The following GALNTL6 variants were observed in gnomAD, a reference collection of about 807,000 sequenced individuals.
GALNTL6 encodes the protein polypeptide N-acetylgalactosaminyltransferase-like 6.
Under a neutral mutation model 73.7 loss-of-function variants are expected in GALNTL6, and 46 were observed. The ratio of observed to expected loss-of-function variants is 0.62; its 90% confidence interval spans 0.49 to 0.80. The LOEUF (loss-of-function observed/expected upper bound fraction) is 0.80. Among genes scored for constraint, GALNTL6 ranks in the 30% least tolerant of loss-of-function variants. The pLI is 0.00. For synonymous variants in GALNTL6, 259 were observed against 263.7 expected (o/e 0.98, Z 0.17); for missense variants, 604 against 755.0 (o/e 0.80, Z 2.34).
intron 2 of GALNTL6, among the ~76,000 whole-genome samples, chr4:172,109,760 C>T (rs1408396469): frequency 2.6e-5 from 4 of 152,152 alleles, no homozygotes; most frequent in Admixed American, 6.5e-5. Context: ...TTGGCTGGAA[C>T]ATCCCAAGGC....
At chr4:172,738,722 G>T (rs936167094) in intron 5 of GALNTL6, among the ~76,000 whole-genome samples, 7 of 152,080 alleles carry the variant, frequency 4.6e-5, no homozygotes, top group African/African-American at 1.7e-4. Context: ...AAGGTGGTTG[G>T]GGCACAGCTT....
At chr4:171,873,709 A>G (rs1474990698) in intron 2 of GALNTL6, among the ~76,000 whole-genome samples, 1 of 152,120 alleles carries the variant, frequency 6.6e-6, no homozygotes, top group African/African-American at 2.4e-5. Context: ...AAAGTTATAT[A>G]TGGGTTCTAC....
intron 10 of GALNTL6, among the ~76,000 whole-genome samples, chr4:172,995,255 C>T (rs553191244): frequency 3.2e-4 from 48 of 148,820 alleles, no homozygotes; most frequent in African/African-American, 1.2e-3. Context: ...CAGCTGCTTA[C>T]CCCGCACAGT....
Position 172,168,842 on chromosome 4 carries a change from C to G in GALNTL6, c.139-60814C>G, listed in dbSNP as rs187937134. On this transcript the variant is annotated intron_variant, in intron 2 of 12. Coordinates refer to ENST00000506823, the MANE Select transcript of GALNTL6 (RefSeq NM_001034845.3). Reference sequence around the variant, plus strand: ...TTATGCCTACAAATATTTTCGATGTCATGTAATTTTTGTGATGTTTTTAAA... The same window carrying G: ...TTATGCCTACAAATATTTTCGATGTGATGTAATTTTTGTGATGTTTTTAAA... Among the ~76,000 whole-genome samples, 6 of 152,256 alleles carry G rather than the reference C, an allele frequency of 3.9e-5. No homozygotes were observed. In the East Asian group the frequency reaches 9.7e-4, roughly 25 times the overall value.
chr4:172,345,291 G>A (rs571925714), intron 4 of GALNTL6, among the ~76,000 whole-genome samples: 2 of 152,218 alleles, frequency 1.3e-5, no homozygotes, highest in South Asian at 4.1e-4. Flanking sequence ...AGTTTATAAT[G>A]TAGTCTAATT....
Position 172,288,360 on chromosome 4 carries a change from G to A in GALNTL6, c.248-23254G>A, listed in dbSNP as rs1255201962. Among the ~76,000 whole-genome samples the A allele has an allele frequency of 2.0e-5, 3 of 152,052 alleles. No homozygotes were observed. In the East Asian group the frequency reaches 5.8e-4, roughly 29 times the overall value. On this transcript the variant is annotated intron_variant, in intron 3 of 12. Transcript: ENST00000506823. ...CCTGCCTCGGCCTCCCAAAGTGCTGGGATTACAGGCATGAGCCACAGCGCC... is the reference window on the plus strand; with the variant it reads ...CCTGCCTCGGCCTCCCAAAGTGCTGAGATTACAGGCATGAGCCACAGCGCC...
chr4:172,581,087 A>G (rs1241192527), intron 5 of GALNTL6, among the ~76,000 whole-genome samples: 2 of 152,198 alleles, frequency 1.3e-5, no homozygotes, highest in African/African-American at 2.4e-5. Flanking sequence ...TTTATATACA[A>G]CATCGTTTCT....
intron 5 of GALNTL6, among the ~76,000 whole-genome samples, chr4:172,625,482 AC>A (rs1739131739): frequency 6.6e-6 from 1 of 152,098 alleles, no homozygotes; most frequent in South Asian, 2.1e-4. Flanking sequence ...ATCACGATGA[AC>A]AAAAGACTAC....
intron 4 of GALNTL6, among the ~76,000 whole-genome samples, chr4:172,326,228 G>T (rs1740936106): frequency 6.6e-6 from 1 of 151,846 alleles, no homozygotes; most frequent in Non-Finnish European, 1.5e-5. Context: ...TTTATAAAAA[G>T]AGAAAAAACC....
intron 2 of GALNTL6, among the ~76,000 whole-genome samples, chr4:172,109,512 C>G (rs1409706896): frequency 6.6e-6 from 1 of 152,098 alleles, no homozygotes; most frequent in East Asian, 1.9e-4. Context: ...TGAAACATGA[C>G]TAAAATAATA....
At chr4:172,542,487 C>A (rs1735594599) in intron 5 of GALNTL6, among the ~76,000 whole-genome samples, 1 of 152,134 alleles carries the variant, frequency 6.6e-6, no homozygotes, top group Non-Finnish European at 1.5e-5. Context: ...TATACCCTTA[C>A]CATCTGCCTA....
chr4:172,311,838 G>C, intron 4 of GALNTL6, 86 bp downstream of exon 4: 1 of 834,866 alleles, frequency 1.2e-6, no homozygotes, highest in South Asian at 3.5e-5. Context: ...ATCACTGCGA[G>C]ATATGTAACC....
chr4:172,426,766 C>T (rs1731246237), intron 5 of GALNTL6, among the ~76,000 whole-genome samples: 1 of 152,052 alleles, frequency 6.6e-6, no homozygotes. Flanking sequence ...ACTGGATTTT[C>T]CTCTAGTAAA....
At chr4:172,826,310 G>A (rs1742263941) in intron 7 of GALNTL6, among the ~76,000 whole-genome samples, 2 of 152,220 alleles carry the variant, frequency 1.3e-5, no homozygotes, top group South Asian at 4.1e-4. Context: ...CGTCCGTTCA[G>A]CTGTTGCAGC....
chr4:172,975,395 ATCTG>A (rs1424874997), intron 10 of GALNTL6, among the ~76,000 whole-genome samples: 1 of 152,206 alleles, frequency 6.6e-6, no homozygotes, highest in Non-Finnish European at 1.5e-5. Context: ...TAGTCCCCAC[ATCTG>A]TCTGAGTCTG....
intron 2 of GALNTL6, among the ~76,000 whole-genome samples, chr4:171,846,922 ATGT>A (rs1158809736): frequency 7.5e-5 from 11 of 146,016 alleles, no homozygotes; most frequent in Non-Finnish European, 1.5e-4. Flanking sequence ...ATATAATTAT[ATGT>A]AATTATATAT....
At chr4:171,963,920 T>C (rs1053985900) in intron 2 of GALNTL6, among the ~76,000 whole-genome samples, 4 of 152,020 alleles carry the variant, frequency 2.6e-5, no homozygotes, top group African/African-American at 9.7e-5. Context: ...TAGAAAAGAG[T>C]CTTGGAAGAT....
chr4:171,989,955 C>T (rs1362597618), intron 2 of GALNTL6, among the ~76,000 whole-genome samples: 1 of 152,068 alleles, frequency 6.6e-6, no homozygotes, highest in Non-Finnish European at 1.5e-5. Context: ...CTCCAGCCAC[C>T]TTTTTAAGAG....
intron 2 of GALNTL6, among the ~76,000 whole-genome samples, chr4:172,089,525 T>G (rs754254409): frequency 2.6e-5 from 4 of 152,020 alleles, no homozygotes; most frequent in African/African-American, 7.3e-5. Context: ...GGAGAGAAAT[T>G]GAAAATGTTT....
Sources: allele counts gnomAD v4.1 joint callset (sites outside exome capture counted in the v4.1 genomes callset), GRCh38; gene constraint gnomAD v4.1.1; transcripts MANE v1.5; gene names NCBI Gene and HGNC (gene_info 2026-07-23, HGNC 2026-07-21).